PDS5A: variants seen among roughly 807,000 people sequenced by gnomAD.
The protein encoded by PDS5A is sister chromatid cohesion protein PDS5 homolog A.
PDS5A carries 42 observed loss-of-function variants against 167.1 expected under a neutral mutation model. That is an observed-to-expected ratio of 0.25 (90% CI 0.20 to 0.33). PDS5A has a LOEUF of 0.33. PDS5A is among the 10% of genes least tolerant of loss of function. The pLI is 1.00. For missense variants in PDS5A, 1,033 were observed against 1,605.9 expected (o/e 0.64, Z 6.10); for synonymous variants, 553 against 554.6 (o/e 1.00, Z 0.04).
Position 39,863,339 on chromosome 4 carries a change from A to G in PDS5A, c.2763T>C (p.Ile921=). The G allele has an allele frequency of 1.3e-6, 2 of 1,583,244 alleles. No individual in the cohort carries two copies. Among genetic ancestry groups the G allele is most frequent in the South Asian group, 1.2e-5 (1 of 85,454 alleles). The change falls in exon 24 of 33, where the codon ATT becomes ATC. Residue 921 remains isoleucine (I), a synonymous_variant. Coordinates refer to ENST00000303538, the MANE Select transcript of PDS5A (RefSeq NM_001100399.2). The part of the protein sequence containing the change: ...PEQFQLCALV[I]NDECYQVRQI... ...CAAAAATAAGATTGTTACTTACATTAATAACAAGTGCACAGAGCTGAAACT... is the reference window on the plus strand; with the variant it reads ...CAAAAATAAGATTGTTACTTACATTGATAACAAGTGCACAGAGCTGAAACT...
rs1724234737 is a variant in PDS5A, at chr4:39,915,056, G to A, written c.877-1330C>T. Among the ~76,000 whole-genome samples the A allele has an allele frequency of 2.7e-5, 4 of 150,398 alleles. No homozygotes were observed. In the South Asian group the frequency reaches 6.3e-4, roughly 24 times the overall value. ...GACAAAAATGATTTTTTTTTTTTAA[G>A]AGGTAAGAGTCTTGCTCTGTTGCCC... On this transcript the variant is annotated intron_variant, in intron 8 of 32. Coordinates refer to ENST00000303538, the MANE Select transcript of PDS5A (RefSeq NM_001100399.2).
At chr4:39,959,427 T>C (rs12504762) in intron 2 of PDS5A, among the ~76,000 whole-genome samples, 4,048 of 152,248 alleles carry the variant, frequency 0.027, 192 homozygotes, top group Admixed American at 0.13. Context: ...TCATGACCAC[T>C]GCAGCCTCTA....
At chr4:39,935,547 T>C (rs1381898290) in intron 2 of PDS5A, among the ~76,000 whole-genome samples, 1 of 152,268 alleles carries the variant, frequency 6.6e-6, no homozygotes, top group African/African-American at 2.4e-5. Context: ...TCTCTTTTTC[T>C]ACAGGATTGT....
chr4:39,845,780 A>G, intron 29 of PDS5A, 38 bp downstream of exon 29: 7 of 1,374,314 alleles, frequency 5.1e-6, no homozygotes, highest in Non-Finnish European at 6.6e-6. Context: ...CAAGATACAC[A>G]TGAAACAAAG....
intron 32 of PDS5A, among the ~76,000 whole-genome samples, chr4:39,825,793 A>C (rs1431375520): frequency 6.6e-6 from 1 of 151,970 alleles, no homozygotes; most frequent in Non-Finnish European, 1.5e-5. Flanking sequence ...TACAGACGGG[A>C]TCTCATTATG....
chr4:39,924,998 G>C (rs1560488479), intron 5 of PDS5A, among the ~76,000 whole-genome samples: 1 of 152,140 alleles, frequency 6.6e-6, no homozygotes, highest in Non-Finnish European at 1.5e-5. Context: ...TGTAGTCCCA[G>C]CTACTCAGGA....
intron 32 of PDS5A, among the ~76,000 whole-genome samples, chr4:39,827,149 G>A (rs115548965): frequency 1.5e-4 from 23 of 152,040 alleles, no homozygotes; most frequent in Non-Finnish European, 2.4e-4. Context: ...TATAGGTTGC[G>A]CCCCCACGCG....
intron 16 of PDS5A, among the ~76,000 whole-genome samples, chr4:39,894,426 T>A (rs747414956): frequency 6.6e-6 from 1 of 150,772 alleles, no homozygotes; most frequent in African/African-American, 2.4e-5. Flanking sequence ...AAGAAAAAAA[T>A]AAGTAAGTAA....
At chr4:39,957,894 G>T (rs576474510) in intron 2 of PDS5A, among the ~76,000 whole-genome samples, 3 of 151,936 alleles carry the variant, frequency 2.0e-5, no homozygotes, top group East Asian at 3.9e-4. Flanking sequence ...GATGGCTCAC[G>T]CCTGTAATCC....
At chr4:39,852,319 T>C (rs746138510) in intron 26 of PDS5A, among the ~76,000 whole-genome samples, 73 of 152,216 alleles carry the variant, frequency 4.8e-4, no homozygotes, top group Non-Finnish European at 9.8e-4. Flanking sequence ...CCTGGGGCCA[T>C]GTCTCACTTC....
At chr4:39,885,080 T>G (rs1182009664) in intron 17 of PDS5A, among the ~76,000 whole-genome samples, 1 of 142,186 alleles carries the variant, frequency 7.0e-6, no homozygotes, top group Non-Finnish European at 1.5e-5. Flanking sequence ...CTGGCCAAGA[T>G]GGTGAAACCC....
intron 8 of PDS5A, 84 bp from the exon 9 acceptor site, chr4:39,913,810 T>C (rs371911190): frequency 6.5e-6 from 5 of 769,886 alleles, no homozygotes; most frequent in East Asian, 4.9e-5. Flanking sequence ...AAGAAGATAC[T>C]ATTTCATATT....
At chr4:39,897,640 C>G (rs1722533292) in intron 16 of PDS5A, among the ~76,000 whole-genome samples, 2 of 152,102 alleles carry the variant, frequency 1.3e-5, no homozygotes, top group South Asian at 4.1e-4. Context: ...CTCAGGTGAT[C>G]CACACGCCTT....
rs1426670868 is a variant in PDS5A at position 39,884,252 on chromosome 4, C to T, written c.1887-4419G>A. ...TCCTTTGCTTTTTATCCAAGATTGG[C>T]GCTGTCTACACTGATTGTCCCCACT... On this transcript the variant is annotated intron_variant, in intron 17 of 32. Coordinates refer to ENST00000303538, the MANE Select transcript of PDS5A (RefSeq NM_001100399.2). Among the ~76,000 whole-genome samples, 3 of 152,220 alleles carry T rather than the reference C, an allele frequency of 2.0e-5. No individual in the cohort carries two copies. In the South Asian group the frequency reaches 6.2e-4, roughly 32 times the overall value.
chr4:39,912,411 A>G (rs1723973030), intron 9 of PDS5A, among the ~76,000 whole-genome samples: 1 of 152,216 alleles, frequency 6.6e-6, no homozygotes, highest in Non-Finnish European at 1.5e-5. Context: ...CATAACTTTG[A>G]AAGTGCAGTT....
At chr4:39,887,586 C>G (rs1721587425) in intron 17 of PDS5A, among the ~76,000 whole-genome samples, 1 of 151,966 alleles carries the variant, frequency 6.6e-6, no homozygotes, top group South Asian at 2.1e-4. Flanking sequence ...AAAATCAAAT[C>G]AAAATGGATT....
At position 39,977,185 on chromosome 4, in the gene PDS5A, G is replaced by A. The variant is rs1731196016; in HGVS notation, c.-41+272C>T. Among the ~76,000 whole-genome samples, 1 of 152,004 alleles carries A rather than the reference G, an allele frequency of 6.6e-6. No homozygotes were observed. ...TTCCGCTCCCTCACCCCCGCGGGAG[G>A]GGAAAACAAGCCGCCCTCCACCCTC... On this transcript the variant is annotated intron_variant, in intron 1 of 32. Transcript: ENST00000303538. This position sits in a 1 kb window ranked among gnomAD's most constrained non-coding sequence, Gnocchi z 4.2.
chr4:39,972,040 TG>T (rs1194728191), intron 2 of PDS5A, among the ~76,000 whole-genome samples: 4 of 152,150 alleles, frequency 2.6e-5, no homozygotes, highest in Non-Finnish European at 5.9e-5. Context: ...ACATTGAAGT[TG>T]GTTGATATGA....
chr4:39,843,730 G>T (rs1450729380), intron 30 of PDS5A, among the ~76,000 whole-genome samples: 3 of 149,494 alleles, frequency 2.0e-5, no homozygotes, highest in African/African-American at 7.3e-5. Context: ...TAAGTATTTT[G>T]ATATAAATTG....
Sources: gnomAD v4.1 joint callset for allele counts (sites outside exome capture counted in the v4.1 genomes callset) on GRCh38, gnomAD v4.1.1 for gene constraint, Gnocchi (gnomAD v3.1) non-coding constraint, MANE v1.5 for transcripts, NCBI Gene and HGNC (gene_info 2026-07-23, HGNC 2026-07-21) for gene names.